IL1RAPL2: variants seen among roughly 807,000 people sequenced by gnomAD.
IL1RAPL2 encodes interleukin 1 receptor accessory protein like 2.
Under a neutral mutation model 44.1 loss-of-function variants are expected in IL1RAPL2, and 3 were observed. The observed-to-expected ratio is 0.07, with a 90% CI of 0.03 to 0.18. IL1RAPL2 has a LOEUF of 0.18. IL1RAPL2 is among the 10% of genes least tolerant of loss of function. The probability of loss-of-function intolerance (pLI) is 1.00; values close to 1 mark genes in which losing one functional copy is unlikely to be tolerated. For missense variants in IL1RAPL2, 391 were observed against 496.4 expected (o/e 0.79, Z 2.02); for synonymous variants, 181 against 178.8 (o/e 1.01, Z -0.10).
intron 2 of IL1RAPL2, among the ~76,000 whole-genome samples, chrX:104,944,627 A>G (rs567205217): frequency 6.3e-5 from 7 of 111,876 alleles, no homozygotes; most frequent in African/African-American, 2.3e-4. Flanking sequence ...TAGAACTGGC[A>G]CTTATACTCT....
chrX:105,518,083 G>A (rs1240956110), intron 6 of IL1RAPL2, among the ~76,000 whole-genome samples: 1 of 111,240 alleles, frequency 9.0e-6, no homozygotes. Flanking sequence ...CATGAATGGA[G>A]AGGCCATTGG....
intron 1 of IL1RAPL2, among the ~76,000 whole-genome samples, chrX:104,587,488 T>G (rs1438936454): frequency 1.8e-5 from 2 of 111,891 alleles, no homozygotes; most frequent in African/African-American, 6.5e-5. Context: ...GCTACTTTAG[T>G]TCTGGAAGTG....
chrX:105,054,604 A>T (rs2031969712), intron 2 of IL1RAPL2, among the ~76,000 whole-genome samples: 1 of 111,967 alleles, frequency 8.9e-6, no homozygotes, highest in Non-Finnish European at 1.9e-5. Context: ...TGTACAGTTA[A>T]ATTGAAATTA....
rs978298236 is a variant in IL1RAPL2, at chrX:105,134,016, A to G, written c.83-61459A>G. ...AGACATTCTATCACTTTTCTATTTT[A>G]GTAAGATACATTATAGCTTTGTGTT... On this transcript the variant is annotated intron_variant, in intron 2 of 10. Transcript: ENST00000372582. Among the ~76,000 whole-genome samples the G allele has an allele frequency of 4.5e-5, 5 of 111,861 alleles. No individual in the cohort carries two copies. The Admixed American group carries it at 4.8e-4, about 11-fold the overall frequency.
At chrX:104,711,960 C>T (rs962685699) in intron 2 of IL1RAPL2, among the ~76,000 whole-genome samples, 7 of 111,104 alleles carry the variant, frequency 6.3e-5, no homozygotes, top group Non-Finnish European at 5.7e-5. Flanking sequence ...GGAGGACTTG[C>T]CAGCTTTGAA....
intron 6 of IL1RAPL2, among the ~76,000 whole-genome samples, chrX:105,716,231 T>A (rs767209399): frequency 8.9e-6 from 1 of 112,182 alleles, no homozygotes; most frequent in East Asian, 2.8e-4. Context: ...TTGAAAATTG[T>A]TTAAAGAGAA....
At chrX:105,042,874 T>A (rs1477064670) in intron 2 of IL1RAPL2, among the ~76,000 whole-genome samples, 1 of 107,829 alleles carries the variant, frequency 9.3e-6, no homozygotes, top group Admixed American at 1.0e-4. Flanking sequence ...GTGGCACATA[T>A]ACACCATGGA....
chrX:105,029,025 G>A lies in IL1RAPL2; in HGVS notation c.83-166450G>A, dbSNP rs963399002. On this transcript the variant is annotated intron_variant, in intron 2 of 10. Coordinates refer to ENST00000372582, the MANE Select transcript of IL1RAPL2 (RefSeq NM_017416.2). ...AAATAAAGCTGTTCAAGATCTGTTTGCAGTACCTTTGTATTTTGCTTGAGT... is the reference window on the plus strand; with the variant it reads ...AAATAAAGCTGTTCAAGATCTGTTTACAGTACCTTTGTATTTTGCTTGAGT... Among the ~76,000 whole-genome samples, 3 of 109,118 alleles carry A rather than the reference G, an allele frequency of 2.7e-5. No homozygotes were observed. In the East Asian group the frequency reaches 8.7e-4, roughly 32 times the overall value. 94.8% of individuals were successfully genotyped at this position (109,118 alleles called of 115,157 possible). A position where few individuals can be genotyped will look rare whatever the true frequency, so the allele number is the denominator to read the frequency against.
intron 3 of IL1RAPL2, among the ~76,000 whole-genome samples, chrX:105,213,804 G>C (rs1160959966): frequency 9.0e-6 from 1 of 111,017 alleles, no homozygotes; most frequent in African/African-American, 3.3e-5. Context: ...AGCCAGAAGA[G>C]AGTGGGGGCC....
At chrX:104,896,449 C>T (rs1161243308) in intron 2 of IL1RAPL2, among the ~76,000 whole-genome samples, 1 of 111,514 alleles carries the variant, frequency 9.0e-6, no homozygotes, top group African/African-American at 3.3e-5. Flanking sequence ...GCAGTCATCA[C>T]CCAATTCCCA....
At chrX:105,550,346 G>A (rs1189361301) in intron 6 of IL1RAPL2, among the ~76,000 whole-genome samples, 2 of 111,913 alleles carry the variant, frequency 1.8e-5, no homozygotes, top group African/African-American at 3.3e-5. Flanking sequence ...GACTTTCAAA[G>A]AGCTCAATAA....
chrX:104,774,932 C>A (rs181039594), intron 2 of IL1RAPL2, among the ~76,000 whole-genome samples: 2 of 111,533 alleles, frequency 1.8e-5, no homozygotes, highest in African/African-American at 6.5e-5. Flanking sequence ...TGCTCTATTA[C>A]GTTCTTTTAC....
At chrX:104,828,320 G>T (rs1351172117) in intron 2 of IL1RAPL2, among the ~76,000 whole-genome samples, 2 of 111,767 alleles carry the variant, frequency 1.8e-5, no homozygotes, top group Non-Finnish European at 3.8e-5. Context: ...TTGCATGGTT[G>T]TCTTTTTTAT....
intron 5 of IL1RAPL2, among the ~76,000 whole-genome samples, chrX:105,311,556 C>G (rs888369863): frequency 7.5e-5 from 8 of 106,454 alleles, no homozygotes; most frequent in Non-Finnish European, 1.4e-4. Flanking sequence ...CTTTGCTTTG[C>G]AACAGTTTGT....
At chrX:105,101,445 A>G (rs1041668964) in intron 2 of IL1RAPL2, among the ~76,000 whole-genome samples, 13 of 111,861 alleles carry the variant, frequency 1.2e-4, no homozygotes, top group African/African-American at 4.2e-4. Flanking sequence ...ATTTTAGAAT[A>G]ATTGGCATGT....
At chrX:105,029,891 C>T (rs2031452892) in intron 2 of IL1RAPL2, among the ~76,000 whole-genome samples, 1 of 111,473 alleles carries the variant, frequency 9.0e-6, no homozygotes, top group Non-Finnish European at 1.9e-5. Flanking sequence ...GTTCCTATTT[C>T]TCCACATCCT....
At chrX:105,328,816 C>G (rs972295305) in intron 5 of IL1RAPL2, among the ~76,000 whole-genome samples, 7 of 112,121 alleles carry the variant, frequency 6.2e-5, no homozygotes, top group African/African-American at 2.3e-4. Context: ...CAGTATTCAA[C>G]ATAGTAACAT....
intron 2 of IL1RAPL2, among the ~76,000 whole-genome samples, chrX:104,763,672 CA>C (rs1318571977): frequency 3.6e-5 from 4 of 111,530 alleles, no homozygotes; most frequent in African/African-American, 1.3e-4. Context: ...CACATGGCAG[CA>C]GGAAGGAGAA....
intron 2 of IL1RAPL2, among the ~76,000 whole-genome samples, chrX:104,797,954 A>G (rs961682690): frequency 8.9e-6 from 1 of 112,056 alleles, no homozygotes; most frequent in Non-Finnish European, 1.9e-5. Flanking sequence ...ACTTCTAGGC[A>G]TAAAAATGAC....
Sources: allele counts gnomAD v4.1 joint callset (sites outside exome capture counted in the v4.1 genomes callset), GRCh38; gene constraint gnomAD v4.1.1; transcripts MANE v1.5; gene names NCBI Gene and HGNC (gene_info 2026-07-23, HGNC 2026-07-21).